Variants in PDE10A observed in about 807,000 individuals in gnomAD.
PDE10A encodes the protein phosphodiesterase 10A, also known as cAMP and cAMP-inhibited cGMP 3',5'-cyclic phosphodiesterase 10A.
Under a neutral mutation model 97.7 loss-of-function variants are expected in PDE10A, and 39 were observed. The ratio of observed to expected loss-of-function variants is 0.40; its 90% CI spans 0.31 to 0.52. The LOEUF is 0.52. PDE10A is among the 20% of genes least tolerant of loss of function. PDE10A has a pLI of 0.56. For synonymous variants in PDE10A, 371 were observed against 376.8 expected, an observed-to-expected ratio of 0.98 and a Z score of 0.18; for missense variants, 731 against 1,047.8, an observed-to-expected ratio of 0.70 and a Z score of 4.17.
chr6:165,730,050 T>C (rs1250724836), intron 1 of PDE10A, among the ~76,000 whole-genome samples: 2 of 152,072 alleles, frequency 1.3e-5, no homozygotes, highest in Non-Finnish European at 2.9e-5. Context: ...TATATACGTA[T>C]ATGAATACAT....
intron 2 of PDE10A, among the ~76,000 whole-genome samples, chr6:165,487,894 C>T (rs904256808): frequency 2.0e-5 from 3 of 151,966 alleles, no homozygotes; most frequent in Admixed American, 6.6e-5. Context: ...ACACACTCAG[C>T]GGTGAAGTAC....
chr6:165,431,494 T>A, intron 7 of PDE10A, 22 bp from the exon 8 acceptor site: 1 of 1,424,262 alleles, frequency 7.0e-7, no homozygotes, highest in Non-Finnish European at 9.8e-7. Context: ...AAGAAATACA[T>A]ACCTATAAGT....
At chr6:165,585,894 C>A (rs1264578693) in intron 1 of PDE10A, among the ~76,000 whole-genome samples, 2 of 152,192 alleles carry the variant, frequency 1.3e-5, no homozygotes, top group Admixed American at 1.3e-4. Flanking sequence ...ATCCAACATC[C>A]CCCCCTTGCG....
intron 1 of PDE10A, among the ~76,000 whole-genome samples, chr6:165,715,126 A>AG (rs1474998448): frequency 6.6e-6 from 1 of 152,226 alleles, no homozygotes; most frequent in Non-Finnish European, 1.5e-5. Context: ...GCAGTGCAGC[A>AG]GGGCTCAGTG....
chr6:165,783,938 G>A (rs1316657341), intron 1 of PDE10A, among the ~76,000 whole-genome samples: 1 of 152,190 alleles, frequency 6.6e-6, no homozygotes, highest in Non-Finnish European at 1.5e-5. Context: ...TGTCTGCCTT[G>A]GCCGGGCGCG....
intron 18 of PDE10A, among the ~76,000 whole-genome samples, chr6:165,354,220 G>GGAA (rs1782879668): frequency 6.6e-6 from 1 of 152,154 alleles, no homozygotes; most frequent in African/African-American, 2.4e-5. Context: ...AAAGCAGTCT[G>GGAA]GAAGTGTATT....
At chr6:165,474,207 G>GGT (rs993361060) in intron 3 of PDE10A, among the ~76,000 whole-genome samples, 22 of 152,098 alleles carry the variant, frequency 1.4e-4, no homozygotes, top group African/African-American at 5.3e-4. Context: ...GCAGCCAGGA[G>GGT]GTTCTTAAGC....
intron 17 of PDE10A, among the ~76,000 whole-genome samples, chr6:165,381,852 T>C (rs1784957121): frequency 6.6e-6 from 1 of 152,048 alleles, no homozygotes; most frequent in Non-Finnish European, 1.5e-5. Flanking sequence ...GGAAGGGAGA[T>C]ACAAGCAATG....
intron 1 of PDE10A, among the ~76,000 whole-genome samples, chr6:165,887,550 C>T (rs983752787): frequency 2.0e-5 from 3 of 151,854 alleles, no homozygotes; most frequent in African/African-American, 7.3e-5. Flanking sequence ...ATTGCCCCTG[C>T]AGTCCTCTCA....
At chr6:165,581,873 G>T (rs572670886) in intron 1 of PDE10A, among the ~76,000 whole-genome samples, 3 of 152,294 alleles carry the variant, frequency 2.0e-5, no homozygotes, top group Admixed American at 2.0e-4. Context: ...GGAACATTTG[G>T]ACTAGAAGTC....
At chr6:165,530,670 T>C (rs1403613134) in intron 2 of PDE10A, among the ~76,000 whole-genome samples, 2 of 152,204 alleles carry the variant, frequency 1.3e-5, no homozygotes, top group Admixed American at 1.3e-4. Context: ...CAAAACTTTA[T>C]TCTTTGATGC....
At chr6:165,722,158 T>A (rs1042980720) in intron 1 of PDE10A, among the ~76,000 whole-genome samples, 2 of 152,256 alleles carry the variant, frequency 1.3e-5, no homozygotes, top group African/African-American at 4.8e-5. Flanking sequence ...TACTGATAGA[T>A]AAACTTCACG....
At chr6:165,487,030 C>T (rs1241360966) in intron 2 of PDE10A, among the ~76,000 whole-genome samples, 1 of 152,226 alleles carries the variant, frequency 6.6e-6, no homozygotes, top group Non-Finnish European at 1.5e-5. Context: ...CACAAAAGAA[C>T]CCCCAACTGG....
At chr6:165,628,837 A>G (rs1019488767) in intron 1 of PDE10A, among the ~76,000 whole-genome samples, 4 of 152,194 alleles carry the variant, frequency 2.6e-5, no homozygotes, top group African/African-American at 7.2e-5. Flanking sequence ...AGATTTTGTG[A>G]TAGCATTTTT....
At chr6:165,817,737 G>A (rs115054163) in intron 1 of PDE10A, among the ~76,000 whole-genome samples, 17 of 152,240 alleles carry the variant, frequency 1.1e-4, no homozygotes, top group African/African-American at 3.1e-4. Context: ...GGGTTGTAGC[G>A]TTGACTGTCA....
At chr6:165,751,424 AC>A (rs1341354372) in intron 1 of PDE10A, among the ~76,000 whole-genome samples, 2 of 151,968 alleles carry the variant, frequency 1.3e-5, no homozygotes, top group Non-Finnish European at 2.9e-5. Flanking sequence ...GTGAAGGAGC[AC>A]CCCTTTGAGA....
At chr6:165,490,268 A>G (rs1392637649) in intron 2 of PDE10A, among the ~76,000 whole-genome samples, 2 of 152,236 alleles carry the variant, frequency 1.3e-5, no homozygotes, top group Non-Finnish European at 2.9e-5. Flanking sequence ...CCTACAGGTC[A>G]GAAGGGATTG....
At chr6:165,498,548 T>G (rs564438419) in intron 2 of PDE10A, among the ~76,000 whole-genome samples, 16 of 150,180 alleles carry the variant, frequency 1.1e-4, no homozygotes, top group African/African-American at 3.4e-4. Context: ...GAATGTATTG[T>G]TCACCTCCAG....
intron 1 of PDE10A, among the ~76,000 whole-genome samples, chr6:165,645,169 G>C (rs964032306): frequency 1.3e-5 from 2 of 152,160 alleles, no homozygotes; most frequent in African/African-American, 4.8e-5. Context: ...ACCCCTGCCA[G>C]GGCCAGGAGA....
Sources: gnomAD v4.1 joint callset for allele counts (sites outside exome capture counted in the v4.1 genomes callset) on GRCh38, gnomAD v4.1.1 for gene constraint, MANE v1.5 for transcripts, NCBI Gene and HGNC (gene_info 2026-07-23, HGNC 2026-07-21) for gene names.